TMTC2: variants seen among roughly 807,000 people sequenced by gnomAD.
TMTC2 encodes protein O-mannosyl-transferase TMTC2.
TMTC2 carries 43 observed loss-of-function variants against 82.4 expected under a neutral mutation model. The observed-to-expected ratio is 0.52, with a 90% CI of 0.41 to 0.67. The LOEUF (loss-of-function observed/expected upper bound fraction) is 0.67, where lower values mean the gene tolerates loss of function less well. Among genes scored for constraint, TMTC2 ranks in the 30% least tolerant of loss-of-function variants. TMTC2 has a pLI of 0.00. For synonymous variants in TMTC2, 408 were observed against 381.9 expected (o/e 1.07, Z -0.80); for missense variants, 919 against 1,012.4 (o/e 0.91, Z 1.25).
intron 11 of TMTC2, among the ~76,000 whole-genome samples, chr12:83,077,722 A>T (rs1302355286): frequency 1.3e-5 from 2 of 151,244 alleles, no homozygotes; most frequent in African/African-American, 4.9e-5. Context: ...CTACCGGCAC[A>T]CGCCACCACG....
chr12:82,802,254 C>T (rs992016691), intron 1 of TMTC2, among the ~76,000 whole-genome samples: 10 of 152,178 alleles, frequency 6.6e-5, no homozygotes, highest in East Asian at 1.9e-4. Context: ...CGGCAGGGCC[C>T]GCCGGCAGCT....
intron 2 of TMTC2, among the ~76,000 whole-genome samples, chr12:82,871,826 A>G (rs1872195687): frequency 6.6e-6 from 1 of 151,588 alleles, no homozygotes; most frequent in African/African-American, 2.4e-5. Context: ...TTAAATTCAT[A>G]TTTATTTATT....
intron 8 of TMTC2, among the ~76,000 whole-genome samples, chr12:83,004,554 C>G (rs560759661): frequency 2.0e-5 from 3 of 151,876 alleles, no homozygotes; most frequent in Non-Finnish European, 4.4e-5. Context: ...TTGGGTGGGA[C>G]TTTTTATTTT....
intron 4 of TMTC2, among the ~76,000 whole-genome samples, chr12:82,964,149 T>TGC (rs1878080461): frequency 6.6e-6 from 1 of 151,738 alleles, no homozygotes; most frequent in Admixed American, 6.6e-5. Flanking sequence ...TCAATAGATG[T>TGC]GCGGAATGTC....
intron 8 of TMTC2, among the ~76,000 whole-genome samples, chr12:82,998,294 A>G (rs185881977): frequency 2.2e-3 from 337 of 152,320 alleles, no homozygotes; most frequent in African/African-American, 7.9e-3. Flanking sequence ...TGAGGTCAAC[A>G]TTTTGAAAGA....
intron 1 of TMTC2, among the ~76,000 whole-genome samples, chr12:82,855,064 C>T (rs1030343589): frequency 6.6e-6 from 1 of 152,092 alleles, no homozygotes; most frequent in Non-Finnish European, 1.5e-5. Context: ...ATATAGAAGA[C>T]AAATGAACAA....
chr12:83,067,902 A>G (rs979104274), intron 11 of TMTC2, among the ~76,000 whole-genome samples: 1 of 152,064 alleles, frequency 6.6e-6, no homozygotes, highest in African/African-American at 2.4e-5. Context: ...TTAAAAGGAG[A>G]ATATCTTTCA....
intron 1 of TMTC2, among the ~76,000 whole-genome samples, chr12:82,701,526 C>T (rs1274468335): frequency 2.7e-5 from 4 of 145,698 alleles, no homozygotes; most frequent in Non-Finnish European, 3.0e-5. Flanking sequence ...CCGAGGCGGG[C>T]GGATCACCTG....
At chr12:82,741,905 T>G (rs1293163424) in intron 1 of TMTC2, among the ~76,000 whole-genome samples, 1 of 152,146 alleles carries the variant, frequency 6.6e-6, no homozygotes, top group East Asian at 1.9e-4. Flanking sequence ...GGTATTACAG[T>G]GATCAAGAAG....
At chr12:82,903,517 T>C (rs902630755) in intron 3 of TMTC2, among the ~76,000 whole-genome samples, 6 of 152,274 alleles carry the variant, frequency 3.9e-5, no homozygotes, top group East Asian at 3.9e-4. Flanking sequence ...GTTCACGCCA[T>C]TCTCCTGCCT....
intron 1 of TMTC2, among the ~76,000 whole-genome samples, chr12:82,765,956 T>C (rs1339247929): frequency 2.0e-5 from 3 of 152,230 alleles, no homozygotes; most frequent in Non-Finnish European, 4.4e-5. Flanking sequence ...TCATTATTTC[T>C]GACCATACCC....
At chr12:82,791,338 T>C (rs1298082513) in intron 1 of TMTC2, among the ~76,000 whole-genome samples, 1 of 152,134 alleles carries the variant, frequency 6.6e-6, no homozygotes, top group Admixed American at 6.5e-5. Flanking sequence ...AATAATCTTG[T>C]CTGTATTCTC....
At chr12:82,918,128 T>G (rs2137222786) in intron 3 of TMTC2, among the ~76,000 whole-genome samples, 1 of 152,188 alleles carries the variant, frequency 6.6e-6, no homozygotes, top group Admixed American at 6.5e-5. Context: ...CAGGCTGGTC[T>G]TGAACTCCTG....
chr12:82,727,083 T>G (rs1225091209), intron 1 of TMTC2, among the ~76,000 whole-genome samples: 2 of 151,788 alleles, frequency 1.3e-5, no homozygotes, highest in Non-Finnish European at 2.9e-5. Context: ...TCTGATCTTT[T>G]GTGTTGGAAC....
At chr12:82,706,425 A>G (rs983906782) in intron 1 of TMTC2, among the ~76,000 whole-genome samples, 1 of 151,740 alleles carries the variant, frequency 6.6e-6, no homozygotes, top group Non-Finnish European at 1.5e-5. Flanking sequence ...AAGCTGGAGG[A>G]TAGGATGGAG....
chr12:83,081,720 A>G (rs1047700142), intron 11 of TMTC2, among the ~76,000 whole-genome samples: 3 of 152,186 alleles, frequency 2.0e-5, no homozygotes, highest in Non-Finnish European at 2.9e-5. Context: ...TTTCCTGAGA[A>G]GGAAAAAAAT....
At chr12:83,027,032 G>T (rs531117132) in intron 8 of TMTC2, among the ~76,000 whole-genome samples, 49 of 151,256 alleles carry the variant, frequency 3.2e-4, no homozygotes, top group African/African-American at 9.0e-4. Flanking sequence ...TGGGATGGTG[G>T]TTTTTTTTTG....
chr12:82,735,846 C>T (rs1169574076), intron 1 of TMTC2, among the ~76,000 whole-genome samples: 2 of 151,824 alleles, frequency 1.3e-5, no homozygotes, highest in African/African-American at 4.8e-5. Context: ...ATTAGCCTGG[C>T]GTGGTGGTAG....
chr12:82,985,814 C>A, intron 7 of TMTC2, 111 bp from the exon 8 acceptor site: 2 of 1,348,130 alleles, frequency 1.5e-6, no homozygotes, highest in South Asian at 3.1e-5. Context: ...AAGTACTTCC[C>A]ACAGCATCTG....
Sources: allele counts gnomAD v4.1 joint callset (sites outside exome capture counted in the v4.1 genomes callset), GRCh38; gene constraint gnomAD v4.1.1; transcripts MANE v1.5; gene names NCBI Gene and HGNC (gene_info 2026-07-23, HGNC 2026-07-21).